The following SULF1 variants were observed in gnomAD, a reference collection of about 807,000 sequenced individuals.
SULF1 encodes extracellular sulfatase Sulf-1.
Under a neutral mutation model 110.5 loss-of-function variants are expected in SULF1, and 46 were observed. The ratio of observed to expected loss-of-function variants is 0.42; its 90% confidence interval spans 0.33 to 0.53. SULF1 has a LOEUF of 0.53. Among genes scored for constraint, SULF1 ranks in the 20% least tolerant of loss-of-function variants. The pLI is 0.12. For synonymous variants in SULF1, 371 were observed against 387.1 expected, an observed-to-expected ratio of 0.96 and a Z score of 0.49; for missense variants, 941 against 1,094.2, an observed-to-expected ratio of 0.86 and a Z score of 1.98.
At chr8:69,623,296 T>C (rs1809759053) in intron 14 of SULF1, among the ~76,000 whole-genome samples, 1 of 152,166 alleles carries the variant, frequency 6.6e-6, no homozygotes, top group African/African-American at 2.4e-5. Flanking sequence ...AGCAGCCCAA[T>C]GTAGTGGTAA....
rs1486436627 is a variant in SULF1, at chr8:69,540,786, A to G, written c.-133-22753A>G. On this transcript the variant is annotated intron_variant, in intron 3 of 22. Transcript: ENST00000402687. ...TCCTCTTGCCACATAAAATCCACAA[A>G]TGGAAGGCCGATGAAAAGTCCCTGG... 2.6e-5 allele frequency among the ~76,000 whole-genome samples: 4 copies of G among 152,134 alleles called. No individual in the cohort carries two copies. The East Asian group carries it at 7.7e-4, about 29-fold the overall frequency.
intron 3 of SULF1, among the ~76,000 whole-genome samples, chr8:69,515,510 A>G (rs1355945172): frequency 6.6e-6 from 1 of 152,136 alleles, no homozygotes; most frequent in East Asian, 1.9e-4. Context: ...GGCTGCCACA[A>G]AGGTCTCTGA....
chr8:69,629,982 A>G (rs534558198), intron 19 of SULF1, among the ~76,000 whole-genome samples: 1 of 152,210 alleles, frequency 6.6e-6, no homozygotes, highest in Non-Finnish European at 1.5e-5. Flanking sequence ...CTATAGCTAA[A>G]TAACGCAAGG....
intron 1 of SULF1, among the ~76,000 whole-genome samples, chr8:69,494,540 T>G (rs1285859955): frequency 3.3e-5 from 5 of 152,252 alleles, no homozygotes; most frequent in Non-Finnish European, 7.3e-5. Context: ...AAAATAAGAT[T>G]GGATTCTAGT....
chr8:69,641,681 C>T (rs1563622880), intron 22 of SULF1, among the ~76,000 whole-genome samples: 2 of 152,040 alleles, frequency 1.3e-5, no homozygotes, highest in Non-Finnish European at 2.9e-5. Flanking sequence ...GAGGTTGAGG[C>T]TGCAGTGAGC....
chr8:69,641,766 A>AAAT (rs1811493429), intron 22 of SULF1, among the ~76,000 whole-genome samples: 1 of 152,038 alleles, frequency 6.6e-6, no homozygotes, highest in East Asian at 1.9e-4. Context: ...AATAAATAAA[A>AAAT]AAATAAAGAC....
At chr8:69,648,450 A>G (rs982488257) in intron 22 of SULF1, among the ~76,000 whole-genome samples, 1 of 152,186 alleles carries the variant, frequency 6.6e-6, no homozygotes, top group Non-Finnish European at 1.5e-5. Flanking sequence ...TCAGGTATAG[A>G]TGATGCCATA....
chr8:69,521,229 G>T (rs908002283), intron 3 of SULF1, among the ~76,000 whole-genome samples: 5 of 151,718 alleles, frequency 3.3e-5, no homozygotes, highest in Non-Finnish European at 5.9e-5. Flanking sequence ...TATTTGTTGG[G>T]CACCTACTAC....
intron 16 of SULF1, 136 bp downstream of exon 16, chr8:69,627,442 T>G (rs1810178611): frequency 6.1e-6 from 4 of 658,026 alleles, no homozygotes; most frequent in Admixed American, 5.6e-5. Context: ...AAAAAAGTTA[T>G]TTGTCTTTCT....
chr8:69,616,702 G>GTTTTT (rs35961171), intron 13 of SULF1, among the ~76,000 whole-genome samples: 2 of 104,608 alleles, frequency 1.9e-5, no homozygotes, highest in African/African-American at 3.8e-5. Context: ...GTGCCCGGCC[G>GTTTTT]TTTTTTTTTT....
intron 13 of SULF1, among the ~76,000 whole-genome samples, chr8:69,614,504 A>G (rs1482544240): frequency 6.6e-6 from 1 of 152,262 alleles, no homozygotes; most frequent in East Asian, 1.9e-4. Context: ...GGTAGTCAAG[A>G]TGATGATGAA....
chr8:69,476,821 T>G (rs531173245), intron 1 of SULF1, among the ~76,000 whole-genome samples: 1 of 152,316 alleles, frequency 6.6e-6, no homozygotes, highest in African/African-American at 2.4e-5. Flanking sequence ...ACTGAATTGT[T>G]GAGACATCCA....
intron 3 of SULF1, among the ~76,000 whole-genome samples, chr8:69,505,864 T>C (rs1811146680): frequency 6.6e-6 from 1 of 152,128 alleles, no homozygotes; most frequent in Admixed American, 6.6e-5. Context: ...TAGGTATTTG[T>C]TGTAAAAACC....
intron 2 of SULF1, among the ~76,000 whole-genome samples, chr8:69,501,246 A>G (rs1810777446): frequency 6.6e-6 from 1 of 152,168 alleles, no homozygotes; most frequent in Non-Finnish European, 1.5e-5. Context: ...TATCATATGC[A>G]CATTTACATA....
intron 2 of SULF1, among the ~76,000 whole-genome samples, chr8:69,497,782 A>C (rs1338923526): frequency 6.6e-6 from 1 of 152,172 alleles, no homozygotes; most frequent in African/African-American, 2.4e-5. Flanking sequence ...AGTTAAGTTC[A>C]ATCATCTAGT....
chr8:69,545,661 TTTTTG>T (rs1156695624), intron 3 of SULF1, among the ~76,000 whole-genome samples: 1 of 152,080 alleles, frequency 6.6e-6, no homozygotes. Flanking sequence ...TTTTTGGGTT[TTTTTG>T]TTTTGTTTTG....
chr8:69,470,053 A>G (rs150299179), intron 1 of SULF1, among the ~76,000 whole-genome samples: 1,745 of 152,216 alleles, frequency 0.011, 34 homozygotes, highest in African/African-American at 0.04. Flanking sequence ...AAAAACAAAA[A>G]AAACCATAAA....
At chr8:69,638,383 T>G in intron 19 of SULF1, 119 bp from the exon 20 acceptor site, 2 of 1,209,388 alleles carry the variant, frequency 1.7e-6, no homozygotes, top group South Asian at 2.9e-5. Flanking sequence ...AACCACAATA[T>G]TTATAAGAAA....
At chr8:69,598,971 C>T (rs949879821) in intron 8 of SULF1, among the ~76,000 whole-genome samples, 2 of 152,176 alleles carry the variant, frequency 1.3e-5, no homozygotes, top group East Asian at 3.9e-4. Context: ...GCATTTTCTA[C>T]TATCAAAAGA....
Sources: gnomAD v4.1 joint callset for allele counts (sites outside exome capture counted in the v4.1 genomes callset) on GRCh38, gnomAD v4.1.1 for gene constraint, MANE v1.5 for transcripts, NCBI Gene and HGNC (gene_info 2026-07-23, HGNC 2026-07-21) for gene names.